The following TTBK2 variants were observed in gnomAD, a reference collection of about 807,000 sequenced individuals.
TTBK2 encodes the protein tau tubulin kinase 2.
In TTBK2, 28 loss-of-function variants were observed where a neutral mutation model predicts 110.8. That is an observed-to-expected ratio of 0.25 (90% CI 0.19 to 0.35). The LOEUF is 0.35. Among genes scored for constraint, TTBK2 ranks in the 10% least tolerant of loss-of-function variants. The pLI is 1.00. For missense variants in TTBK2, 1,369 were observed against 1,500.3 expected (o/e 0.91, Z 1.45); for synonymous variants, 532 against 527.3 (o/e 1.01, Z -0.12).
chr15:42,835,059 G>C (rs1295212395), intron 4 of TTBK2, among the ~76,000 whole-genome samples: 2 of 152,000 alleles, frequency 1.3e-5, no homozygotes, highest in Non-Finnish European at 2.9e-5. Flanking sequence ...ATATACTTGA[G>C]GATAACCTAA....
At chr15:42,808,010 C>T (rs1891547089) in intron 9 of TTBK2, among the ~76,000 whole-genome samples, 1 of 152,104 alleles carries the variant, frequency 6.6e-6, no homozygotes, top group African/African-American at 2.4e-5. Flanking sequence ...TAAGACATGG[C>T]TGTTTCTCCA....
At chr15:42,862,568 G>A (rs942219990) in intron 3 of TTBK2, among the ~76,000 whole-genome samples, 2 of 152,028 alleles carry the variant, frequency 1.3e-5, no homozygotes, top group African/African-American at 4.8e-5. Context: ...CAACAGACTA[G>A]GCATCAAAAG....
At chr15:42,776,204 G>C (rs1347498360) in intron 12 of TTBK2, among the ~76,000 whole-genome samples, 1 of 152,058 alleles carries the variant, frequency 6.6e-6, no homozygotes, top group Non-Finnish European at 1.5e-5. Flanking sequence ...GAATTGTCTT[G>C]GGAAACAGTA....
intron 13 of TTBK2, among the ~76,000 whole-genome samples, chr15:42,756,621 T>C (rs1238944169): frequency 6.6e-6 from 1 of 152,068 alleles, no homozygotes; most frequent in East Asian, 1.9e-4. Context: ...TCCATTGGTC[T>C]TCTGAGATTG....
At chr15:42,852,207 T>TAC in intron 3 of TTBK2, among the ~76,000 whole-genome samples, 1 of 152,114 alleles carries the variant, frequency 6.6e-6, no homozygotes, top group East Asian at 1.9e-4. Flanking sequence ...GTAGCTAGAC[T>TAC]ACAGGTATGC....
intron 3 of TTBK2, among the ~76,000 whole-genome samples, chr15:42,844,263 T>C (rs926047383): frequency 6.6e-6 from 1 of 152,136 alleles, no homozygotes; most frequent in East Asian, 1.9e-4. Context: ...TAATGGCTAA[T>C]AAAACATGCA....
chr15:42,886,999 T>G (rs1234761849), intron 1 of TTBK2, among the ~76,000 whole-genome samples: 2 of 152,190 alleles, frequency 1.3e-5, no homozygotes, highest in Non-Finnish European at 2.9e-5. Flanking sequence ...CTCAGATGCT[T>G]TGGGTAACTC....
At chr15:42,763,404 G>A (rs1055406286) in intron 13 of TTBK2, among the ~76,000 whole-genome samples, 2 of 149,486 alleles carry the variant, frequency 1.3e-5, no homozygotes. Context: ...AGTAGACACA[G>A]CGTTTCACCA....
chr15:42,808,289 T>A (rs1181561850), intron 9 of TTBK2, among the ~76,000 whole-genome samples: 1 of 152,348 alleles, frequency 6.6e-6, no homozygotes, highest in East Asian at 1.9e-4. Context: ...TATGGCAAGA[T>A]ATTCCAATTT....
At chr15:42,811,600 T>C (rs1891723377) in intron 8 of TTBK2, 88 bp downstream of exon 8, 3 of 1,006,684 alleles carry the variant, frequency 3.0e-6, no homozygotes, top group South Asian at 2.7e-5. Flanking sequence ...TTAAGTCTTA[T>C]ACATAAGTAT....
chr15:42,863,200 T>C (rs1219697075), intron 3 of TTBK2, among the ~76,000 whole-genome samples: 1 of 152,200 alleles, frequency 6.6e-6, no homozygotes, highest in Non-Finnish European at 1.5e-5. Context: ...CTAGAACTGA[T>C]AAACTTCAGT....
intron 3 of TTBK2, among the ~76,000 whole-genome samples, chr15:42,866,209 C>G (rs1424353279): frequency 1.3e-5 from 2 of 152,106 alleles, no homozygotes; most frequent in Non-Finnish European, 2.9e-5. Flanking sequence ...GAGGCTGAGG[C>G]AGGAGGATCA....
intron 3 of TTBK2, among the ~76,000 whole-genome samples, chr15:42,865,168 G>T (rs1370662948): frequency 6.6e-6 from 1 of 152,088 alleles, no homozygotes; most frequent in Non-Finnish European, 1.5e-5. Context: ...AGGAGAGAAG[G>T]CCAGGCACAG....
At position 42,865,519 on chromosome 15, in the gene TTBK2, A is replaced by T. The variant is rs538198019; in HGVS notation, c.217+7092T>A. Among the ~76,000 whole-genome samples, 1,256 of 139,996 alleles carry T rather than the reference A, an allele frequency of 9.0e-3. 16 individuals carry two copies. Among genetic ancestry groups the T allele is most frequent in the African/African-American group, 0.033 (1,117 of 34,310 alleles). 91.8% of individuals were successfully genotyped at this position (139,996 alleles called of 152,430 possible). A position where few individuals can be genotyped will look rare whatever the true frequency, so the allele number is the denominator to read the frequency against. On this transcript the variant is annotated intron_variant, in intron 3 of 14. Coordinates refer to ENST00000267890, the MANE Select transcript of TTBK2 (RefSeq NM_173500.4). ...AAGACAAAAATAATAATACTAAAAA[A>T]AAAAAAAAAACCAACAACAGGCTGG...
At chr15:42,801,730 T>C in intron 9 of TTBK2, 1 of 842,286 alleles carries the variant, frequency 1.2e-6, no homozygotes, top group Non-Finnish European at 2.1e-6. Context: ...CTCCTCTTCA[T>C]ACAGCTGCCT....
intron 3 of TTBK2, among the ~76,000 whole-genome samples, chr15:42,869,371 G>A (rs1894518233): frequency 6.7e-6 from 1 of 150,006 alleles, no homozygotes. Context: ...TTACAGGCAT[G>A]AGCCACCACG....
intron 7 of TTBK2, among the ~76,000 whole-genome samples, chr15:42,815,958 A>AAAAAAATATATATATATATATAT (rs71108183): frequency 2.7e-4 from 25 of 91,692 alleles, no homozygotes; most frequent in African/African-American, 1.5e-3. Flanking sequence ...TTAAAAAAAA[A>AAAAAAATATATATATATATATAT]ATATATATAT....
chr15:42,868,999 A>G (rs1311378876), intron 3 of TTBK2, among the ~76,000 whole-genome samples: 2 of 152,194 alleles, frequency 1.3e-5, no homozygotes, highest in Non-Finnish European at 2.9e-5. Context: ...ATGGTTCCTG[A>G]GGAACCATCA....
intron 12 of TTBK2, among the ~76,000 whole-genome samples, chr15:42,776,305 T>C (rs1284056218): frequency 1.3e-5 from 2 of 152,230 alleles, no homozygotes; most frequent in Non-Finnish European, 2.9e-5. Flanking sequence ...AGGGCATGAC[T>C]ACTATTAAAG....
Sources: gnomAD v4.1 joint callset for allele counts (sites outside exome capture counted in the v4.1 genomes callset) on GRCh38, gnomAD v4.1.1 for gene constraint, MANE v1.5 for transcripts, NCBI Gene and HGNC (gene_info 2026-07-23, HGNC 2026-07-21) for gene names.